Variants in ZNF331 observed in about 807,000 individuals in gnomAD.
ZNF331 encodes the protein C2H2-like zinc finger protein rearranged in thyroid adenomas.
A neutral mutation model predicts 7.0 loss-of-function variants in ZNF331; 2 were observed. The observed-to-expected ratio is 0.29, with a 90% CI of 0.12 to 0.90. ZNF331 has a LOEUF of 0.90. Among genes scored for constraint, ZNF331 ranks in the 40% least tolerant of loss-of-function variants. ZNF331 has a pLI of 0.58. For missense variants in ZNF331, 432 were observed against 587.7 expected (o/e 0.74, Z 2.74); for synonymous variants, 196 against 205.4 (o/e 0.95, Z 0.39).
chr19:53,552,546 C>T lies in ZNF331; in HGVS notation c.-137-3299C>T, dbSNP rs140592822. On this transcript the variant is annotated intron_variant, in intron 2 of 5. Coordinates refer to ENST00000449416, the MANE Select transcript of ZNF331 (RefSeq NM_001079906.2). ...CAGCCTGGGCAGCATAGCAAGACCCCGTCTCTACCAAAAAAAAAAGAAAAA... is the reference window on the plus strand; with the variant it reads ...CAGCCTGGGCAGCATAGCAAGACCCTGTCTCTACCAAAAAAAAAAGAAAAA... 2.8e-3 allele frequency among the ~76,000 whole-genome samples: 425 copies of T among 151,554 alleles called. 1 individual carries two copies. The highest frequency in any genetic ancestry group is 9.6e-3 in the African/African-American group (397 of 41,276).
intron 3 of ZNF331, 81 bp downstream of exon 3, chr19:53,555,989 A>G (rs1213316899): frequency 6.6e-6 from 1 of 151,392 alleles, no homozygotes; most frequent in African/African-American, 2.4e-5. Flanking sequence ...TCACGCCTGT[A>G]ATCCCAGCAC....
chr19:53,565,674 G>A (rs1037173155), intron 3 of ZNF331, among the ~76,000 whole-genome samples: 2 of 151,598 alleles, frequency 1.3e-5, no homozygotes, highest in Admixed American at 6.6e-5. Context: ...TTACAGGCAC[G>A]CACCACCACA....
intron 2 of ZNF331, among the ~76,000 whole-genome samples, chr19:53,552,623 T>G (rs1216897453): frequency 2.6e-5 from 4 of 152,060 alleles, no homozygotes; most frequent in Non-Finnish European, 5.9e-5. Context: ...GTCCCAGCTC[T>G]TGGGAGGCTA....
At chr19:53,540,590 C>T (rs1445279116) in intron 2 of ZNF331, among the ~76,000 whole-genome samples, 2 of 152,082 alleles carry the variant, frequency 1.3e-5, no homozygotes, top group Non-Finnish European at 2.9e-5. Flanking sequence ...ATGTCACCAT[C>T]CGCAGCTAAT....
chr19:53,568,523 C>A (rs1458267106), intron 3 of ZNF331, among the ~76,000 whole-genome samples: 5 of 152,158 alleles, frequency 3.3e-5, no homozygotes, highest in South Asian at 2.1e-4. Flanking sequence ...TGACCAAAAG[C>A]TCCTACCCCG....
chr19:53,526,637 C>T (rs1164215022), intron 2 of ZNF331, among the ~76,000 whole-genome samples: 1 of 151,678 alleles, frequency 6.6e-6, no homozygotes. Flanking sequence ...ACTGCAAGCT[C>T]CGCCTCCCAG....
At chr19:53,565,819 A>G (rs774382729) in intron 3 of ZNF331, among the ~76,000 whole-genome samples, 10 of 152,022 alleles carry the variant, frequency 6.6e-5, no homozygotes, top group Admixed American at 3.3e-4. Context: ...GTGAGCCACC[A>G]TGGCTAGGAG....
Position 53,556,493 on chromosome 19 carries a change from A to T in ZNF331, c.-74+585A>T, listed in dbSNP as rs1355196001. ...TAAAAGGGCAAACTTTTTTTTTTTA[A>T]TTTTTTTTTTTTTTAGAGACAGGGT... On this transcript the variant is annotated intron_variant, in intron 3 of 5. Transcript: ENST00000449416. 3.0e-3 allele frequency among the ~76,000 whole-genome samples: 428 copies of T among 141,156 alleles called. 2 individuals are homozygous for T. Among genetic ancestry groups the T allele is most frequent in the Non-Finnish European group, 4.6e-3 (292 of 64,036 alleles). 92.6% of individuals were successfully genotyped at this position (141,156 alleles called of 152,430 possible). A position where few individuals can be genotyped will look rare whatever the true frequency, so the allele number is the denominator to read the frequency against.
At chr19:53,546,523 G>A (rs1248593624) in intron 2 of ZNF331, among the ~76,000 whole-genome samples, 1 of 145,064 alleles carries the variant, frequency 6.9e-6, no homozygotes, top group Non-Finnish European at 1.5e-5. Context: ...AGATCTGATG[G>A]TATAGAAAAA....
At chr19:53,536,750 A>G (rs7250824), upstream of ZNF331, among the ~76,000 whole-genome samples, 1,411 of 152,290 alleles carry the variant, frequency 9.3e-3, 24 homozygotes, top group African/African-American at 0.032. Context: ...AAATACAAAA[A>G]AAATTAGCCG....
rs1334447261 is a variant in ZNF331 at position 53,578,813 on chromosome 19, G to GT, written c.*868dup. On this transcript the variant is annotated 3_prime_UTR_variant, in exon 6 of 6. Coordinates refer to ENST00000449416, the MANE Select transcript of ZNF331 (RefSeq NM_001079906.2). ...CACTGTTGTTTTTGTTTTTGTTTTT[G>GT]TTTTTTTGAGACAGAGTCTCACTCT... is the stretch of plus-strand genomic sequence containing the variant. 2 of 193,918 alleles carry GT rather than the reference G, an allele frequency of 1.0e-5. No individual in the cohort carries two copies. The highest frequency in any genetic ancestry group is 1.9e-4 in the South Asian group (1 of 5,138). The allele number at this position is 193,918 out of a possible 1,614,324, so 12.0% of individuals were successfully genotyped here. A position where few individuals can be genotyped will look rare whatever the true frequency, so the allele number is the denominator to read the frequency against.
the ZNF331 span, among the ~76,000 whole-genome samples, chr19:53,506,480 CTG>C: frequency 1.1e-3 from 146 of 129,230 alleles, 2 homozygotes; most frequent in African/African-American, 2.6e-3. Flanking sequence ...CTCTCTCTCT[CTG>C]TCTGTCTCTC....
At position 53,577,304 on chromosome 19, in the gene ZNF331, T is replaced by C. The variant is rs919018839; in HGVS notation, c.744T>C (p.Cys248=). ...TGEKDYECKD[C]GKTFSRVYKL... ...AGAAAGACTACGAATGCAAAGACTGTGGGAAGACCTTTAGCCGTGTGTATA... is the reference window on the plus strand; with the variant it reads ...AGAAAGACTACGAATGCAAAGACTGCGGGAAGACCTTTAGCCGTGTGTATA... Residue 248 remains cysteine (C), a synonymous_variant, in exon 6 of 6, where the codon TGT becomes TGC. Coordinates refer to ENST00000449416, the MANE Select transcript of ZNF331 (RefSeq NM_001079906.2). 2.4e-5 allele frequency: 38 copies of C among 1,613,804 alleles called. No individual in the cohort carries two copies. Among genetic ancestry groups the C allele is most frequent in the Non-Finnish European group, 3.2e-5 (38 of 1,180,000 alleles).
chr19:53,516,380 G>C (rs2086903813), upstream of ZNF331, among the ~76,000 whole-genome samples: 1 of 151,580 alleles, frequency 6.6e-6, no homozygotes, highest in Admixed American at 6.6e-5. Flanking sequence ...AACCCAGCAG[G>C]CAGAGGTTGC....
At chr19:53,550,303 G>C (rs939733107) in intron 2 of ZNF331, among the ~76,000 whole-genome samples, 2 of 152,094 alleles carry the variant, frequency 1.3e-5, no homozygotes, top group African/African-American at 4.8e-5. Flanking sequence ...CTGTCCGAAT[G>C]ATCTTTCCTT....
chr19:53,520,039 C>CTTATTATTA (rs138557099), upstream of ZNF331, among the ~76,000 whole-genome samples: 28 of 151,180 alleles, frequency 1.9e-4, no homozygotes, highest in African/African-American at 6.8e-4. Context: ...GCTTTCCGGG[C>CTTATTATTA]TTATTATTAT....
intron 3 of ZNF331, among the ~76,000 whole-genome samples, chr19:53,562,861 G>T (rs916649630): frequency 1.3e-5 from 2 of 151,690 alleles, no homozygotes; most frequent in Non-Finnish European, 2.9e-5. Context: ...GGTGACGCAT[G>T]CCTGTAATCC....
intron 5 of ZNF331, 48 bp from the exon 6 acceptor site, chr19:53,576,640 AGGTTCGTTT>A (rs1320498615): frequency 1.4e-6 from 2 of 1,471,460 alleles, no homozygotes; most frequent in Non-Finnish European, 1.8e-6. Context: ...GTTTGTGGTT[AGGTTCGTTT>A]GTACTTGTGT....
At chr19:53,514,940 T>C (rs1446957757), upstream of ZNF331, among the ~76,000 whole-genome samples, 1 of 152,168 alleles carries the variant, frequency 6.6e-6, no homozygotes, top group Non-Finnish European at 1.5e-5. Flanking sequence ...GGAGCCATGG[T>C]GCCCCGCCAA....
Sources: gnomAD v4.1 joint callset for allele counts (sites outside exome capture counted in the v4.1 genomes callset) on GRCh38, gnomAD v4.1.1 for gene constraint, MANE v1.5 for transcripts, NCBI Gene and HGNC (gene_info 2026-07-23, HGNC 2026-07-21) for gene names.